CDK17: variants seen among roughly 807,000 people sequenced by gnomAD.
CDK17 encodes cyclin-dependent kinase 17.
A neutral mutation model predicts 77.6 loss-of-function variants in CDK17; 24 were observed. The ratio of observed to expected loss-of-function variants is 0.31; its 90% CI spans 0.22 to 0.44. CDK17 has a LOEUF of 0.44. Among genes scored for constraint, CDK17 ranks in the 20% least tolerant of loss-of-function variants. The pLI, the probability that CDK17 is intolerant of heterozygous loss-of-function variation, is 1.00. For missense variants in CDK17, 429 were observed against 622.5 expected (o/e 0.69, Z 3.31); for synonymous variants, 203 against 210.4 (o/e 0.96, Z 0.30).
chr12:96,365,919 C>T (rs1953576800), intron 1 of CDK17, among the ~76,000 whole-genome samples: 1 of 152,182 alleles, frequency 6.6e-6, no homozygotes, highest in South Asian at 2.1e-4. Flanking sequence ...TTTATATGAG[C>T]AGATAATACT....
intron 13 of CDK17, 150 bp downstream of exon 13, chr12:96,285,893 C>A: frequency 2.2e-6 from 1 of 451,418 alleles, no homozygotes; most frequent in Non-Finnish European, 4.1e-6. Context: ...AATTCTAAAA[C>A]ATATACAGTT....
rs1952157515 is a variant in CDK17 at position 96,280,191 on chromosome 12, CT to C, written c.*50del. 1.9e-6 allele frequency: 3 copies of C among 1,538,906 alleles called. No individual in the cohort carries two copies. In the East Asian group the frequency reaches 7.4e-5, roughly 38 times the overall value. ...AAATAATTGCCTTCAGTTCTGAGTC[CT>C]TGATTGGTAAGAAAGGCTGGGGGCT... On this transcript the variant is annotated 3_prime_UTR_variant, in exon 17 of 17. Coordinates refer to ENST00000261211, the MANE Select transcript of CDK17 (RefSeq NM_002595.5).
intron 1 of CDK17, among the ~76,000 whole-genome samples, chr12:96,384,119 G>A (rs1953931522): frequency 6.6e-6 from 1 of 151,592 alleles, no homozygotes; most frequent in South Asian, 2.1e-4. Flanking sequence ...CTCAAAAGAA[G>A]ACATATAAGC....
chr12:96,372,862 A>C (rs1171522511), intron 1 of CDK17, among the ~76,000 whole-genome samples: 1 of 152,244 alleles, frequency 6.6e-6, no homozygotes, highest in Non-Finnish European at 1.5e-5. Flanking sequence ...GATATAGAAA[A>C]GCATTTTAAA....
intron 7 of CDK17, 38 bp downstream of exon 7, chr12:96,298,830 AC>A: frequency 9.3e-7 from 1 of 1,072,536 alleles, no homozygotes; most frequent in South Asian, 1.4e-5. Flanking sequence ...CACTTATTCC[AC>A]CACTTTGATT....
chr12:96,377,384 C>T (rs1953795437), intron 1 of CDK17, among the ~76,000 whole-genome samples: 1 of 152,122 alleles, frequency 6.6e-6, no homozygotes, highest in Non-Finnish European at 1.5e-5. Flanking sequence ...AAGGGCTAAT[C>T]TCCCAACAGA....
rs576569421 is a variant in CDK17, at chr12:96,354,498, C to T, written c.-29-19633G>A. 5.9e-5 allele frequency among the ~76,000 whole-genome samples: 9 copies of T among 152,288 alleles called. No individual in the cohort carries two copies. The East Asian group carries it at 1.4e-3, about 23-fold the overall frequency. The stretch of plus-strand genomic sequence containing the variant: ...TTCCACAATCAATGCATCACCAAAG[C>T]CTTCAAAATGTATCAAGTCTGATCA... On this transcript the variant is annotated intron_variant, in intron 1 of 16. Transcript: ENST00000261211.
chr12:96,396,421 G>C (rs1276232881), intron 1 of CDK17, among the ~76,000 whole-genome samples: 3 of 152,190 alleles, frequency 2.0e-5, no homozygotes, highest in Non-Finnish European at 4.4e-5. Context: ...CAACATTGTA[G>C]ATTGAATGCT....
chr12:96,312,883 A>G (rs977857359), intron 4 of CDK17, among the ~76,000 whole-genome samples: 1 of 152,182 alleles, frequency 6.6e-6, no homozygotes, highest in Non-Finnish European at 1.5e-5. Flanking sequence ...CAAGAAAAAA[A>G]AGCTGTTTAT....
At chr12:96,377,536 G>C (rs1953799034) in intron 1 of CDK17, among the ~76,000 whole-genome samples, 1 of 152,204 alleles carries the variant, frequency 6.6e-6, no homozygotes, top group South Asian at 2.1e-4. Context: ...ACAATAACCT[G>C]AGTTAAACCA....
Position 96,280,877 on chromosome 12 carries a change from T to C in CDK17, c.1465A>G (p.Ile489Val), listed in dbSNP as rs200838762. ...RIHALPESVS[I>V]FSLKEIQLQK... ...AACTGAATCTCTTTCAAACTGAATA[T>C]TGATACACCTAAAATGCATAGACAA... Residue 489 changes from isoleucine to valine, a missense_variant, in exon 16 of 17, where the codon ATA becomes GTA. This residue lies in a region of CDK17 where 115 missense variants were observed against 124.2 expected (regional missense o/e 0.93). Transcript: ENST00000261211. The C allele has an allele frequency of 4.6e-5, 75 of 1,612,952 alleles. No homozygotes were observed. The highest frequency in any genetic ancestry group is 9.9e-5 in the South Asian group (9 of 90,760).
rs554738767 is a variant in CDK17, at chr12:96,350,445, G to T, written c.-29-15580C>A. Among the ~76,000 whole-genome samples, 24 of 151,726 alleles carry T rather than the reference G, an allele frequency of 1.6e-4. No individual in the cohort carries two copies. In the South Asian group the frequency reaches 5.0e-3, roughly 31 times the overall value. On this transcript the variant is annotated intron_variant, in intron 1 of 16. Transcript: ENST00000261211. The stretch of plus-strand genomic sequence containing the variant: ...TTGAACTAGAAGAACAAAGGTGGAG[G>T]TCTTATGTGTCCCCATTTCAAGACC...
chr12:96,313,531 T>C (rs1235956779), intron 3 of CDK17, 77 bp from the exon 4 acceptor site: 22 of 804,710 alleles, frequency 2.7e-5, no homozygotes, highest in East Asian at 9.8e-5. Context: ...GGGTAAAATA[T>C]AGAAGGCCAA....
intron 5 of CDK17, among the ~76,000 whole-genome samples, chr12:96,301,220 C>T (rs1168302671): frequency 1.4e-5 from 2 of 142,488 alleles, no homozygotes; most frequent in Admixed American, 7.1e-5. Flanking sequence ...ATTCTGGCTA[C>T]ACCCCCCCTC....
chr12:96,282,680 G>C, intron 14 of CDK17, 81 bp from the exon 15 acceptor site: 1 of 821,730 alleles, frequency 1.2e-6, no homozygotes, highest in South Asian at 1.5e-5. Context: ...TTAGCATTTA[G>C]AGCTACTTAA....
intron 1 of CDK17, among the ~76,000 whole-genome samples, chr12:96,352,218 G>C (rs974291241): frequency 2.0e-5 from 3 of 152,280 alleles, no homozygotes; most frequent in East Asian, 1.9e-4. Flanking sequence ...AGCTGAATAA[G>C]GGAAGGTGAG....
chr12:96,376,932 T>C (rs1462372036), intron 1 of CDK17, among the ~76,000 whole-genome samples: 1 of 152,138 alleles, frequency 6.6e-6, no homozygotes. Context: ...AAATATACAA[T>C]TTAACAGTGA....
chr12:96,329,043 A>T (rs561371258), intron 2 of CDK17, among the ~76,000 whole-genome samples: 1 of 152,212 alleles, frequency 6.6e-6, no homozygotes, highest in Non-Finnish European at 1.5e-5. Flanking sequence ...TAAGTCAGAC[A>T]CAAAAGGACA....
chr12:96,308,967 G>A (rs961039374), intron 5 of CDK17, among the ~76,000 whole-genome samples: 2 of 151,818 alleles, frequency 1.3e-5, no homozygotes, highest in South Asian at 4.1e-4. Context: ...CCTGCCTCTA[G>A]TCTTTCTCTC....
Sources: allele counts gnomAD v4.1 joint callset (sites outside exome capture counted in the v4.1 genomes callset), GRCh38; gene constraint gnomAD v4.1.1; regional missense constraint gnomAD v4.1.1; transcripts MANE v1.5; gene names NCBI Gene and HGNC (gene_info 2026-07-23, HGNC 2026-07-21).